Variants in EXOSC2 observed in about 807,000 individuals in gnomAD.
EXOSC2 encodes the protein exosome complex component RRP4.
Under a neutral mutation model 37.6 loss-of-function variants are expected in EXOSC2, and 29 were observed. The ratio of observed to expected loss-of-function variants is 0.77; its 90% CI spans 0.57 to 1.05. The LOEUF (loss-of-function observed/expected upper bound fraction) is 1.05, where lower values mean the gene tolerates loss of function less well. Among genes scored for constraint, EXOSC2 ranks in the 50% least tolerant of loss-of-function variants. EXOSC2 has a pLI of 0.00. For synonymous variants in EXOSC2, 119 were observed against 131.1 expected, an observed-to-expected ratio of 0.91 and a Z score of 0.63; for missense variants, 346 against 365.6, an observed-to-expected ratio of 0.95 and a Z score of 0.44.
In EXOSC2 at chr9:130,703,900, C is replaced by CAG; in HGVS notation, c.*126_*127insAG. The CAG allele has an allele frequency of 1.4e-6, 1 of 738,814 alleles. No homozygotes were observed. Among genetic ancestry groups the CAG allele is most frequent in the Non-Finnish European group, 2.2e-6 (1 of 454,936 alleles). The allele number at this position is 738,814 out of a possible 1,614,324, so 45.8% of individuals were successfully genotyped here. A position where few individuals can be genotyped will look rare whatever the true frequency, so the allele number is the denominator to read the frequency against. ...TTTGTCTGCATTGACGGCCCTGTGACGGCCTCCAGCCCACAGGCCTGCTTT... is the reference window on the plus strand; with the variant it reads ...TTTGTCTGCATTGACGGCCCTGTGACAGGGCCTCCAGCCCACAGGCCTGCTTT... On this transcript the variant is annotated 3_prime_UTR_variant, in exon 9 of 9. Coordinates refer to ENST00000372358, the MANE Select transcript of EXOSC2 (RefSeq NM_014285.7).
chr9:130,703,285 C>G lies in EXOSC2; in HGVS notation c.801+104C>G, dbSNP rs1001414509. The G allele has an allele frequency of 2.8e-5, 38 of 1,363,646 alleles. No individual in the cohort carries two copies. In the Admixed American group the frequency reaches 8.3e-4, roughly 30 times the overall value. 84.5% of individuals were successfully genotyped at this position (1,363,646 alleles called of 1,614,324 possible). A position where few individuals can be genotyped will look rare whatever the true frequency, so the allele number is the denominator to read the frequency against. Reference sequence around the variant, plus strand: ...TCCCCAATACTTTCCCAACATCCGTCAGTATGAACTGGCCTGAAACAGCCT... The same window carrying G: ...TCCCCAATACTTTCCCAACATCCGTGAGTATGAACTGGCCTGAAACAGCCT... On this transcript the variant is annotated intron_variant, in intron 8 of 8. Coordinates refer to ENST00000372358, the MANE Select transcript of EXOSC2 (RefSeq NM_014285.7).
intron 2 of EXOSC2, 118 bp downstream of exon 2, chr9:130,695,711 G>C (rs1246096466): frequency 2.4e-6 from 2 of 845,330 alleles, no homozygotes; most frequent in African/African-American, 3.3e-5. Flanking sequence ...CTGTAAGTCT[G>C]AGGTTTTGAC....
At chr9:130,703,010 G>C in intron 7 of EXOSC2, 43 bp from the exon 8 acceptor site, 1 of 1,587,704 alleles carries the variant, frequency 6.3e-7, no homozygotes, top group Non-Finnish European at 8.6e-7. Flanking sequence ...ACGTATTTTG[G>C]TCCTGTTTGT....
chr9:130,697,000 A>G (rs1206297557), intron 2 of EXOSC2, among the ~76,000 whole-genome samples: 1 of 152,218 alleles, frequency 6.6e-6, no homozygotes, highest in East Asian at 1.9e-4. Context: ...TTGGGTAGCT[A>G]GCAGTTGAGT....
rs1382748451 is a variant in EXOSC2, at chr9:130,704,878, C to G, written c.*1104C>G. 6.6e-6 allele frequency: 1 copy of G among 152,104 alleles called. No homozygotes were observed. The highest frequency in any genetic ancestry group is 2.4e-5 in the African/African-American group (1 of 41,414). 9.4% of individuals were successfully genotyped at this position (152,104 alleles called of 1,614,324 possible). On this transcript the variant is annotated 3_prime_UTR_variant, in exon 9 of 9. Transcript: ENST00000372358. ...GCTGAAGAATGTGAGAATTCCTGTG[C>G]ATTGTTTTTTCTGATGACTATCTAA...
At chr9:130,701,045 T>TA in intron 6 of EXOSC2, 110 bp downstream of exon 6, 2 of 970,538 alleles carry the variant, frequency 2.1e-6, no homozygotes, top group Non-Finnish European at 3.2e-6. Context: ...AGCTAAGCAT[T>TA]AATAGAGGCT....
chr9:130,703,032 C>T, intron 7 of EXOSC2, 21 bp from the exon 8 acceptor site: 5 of 1,599,958 alleles, frequency 3.1e-6, no homozygotes, highest in Non-Finnish European at 4.3e-6. Flanking sequence ...TTTCCCTTCC[C>T]CTCTCTGTGT....
In EXOSC2 at chr9:130,693,955, T is replaced by G. The variant is rs762465859; in HGVS notation, c.122+42T>G. ...GGGAGTCGAGGCTTCAGAGAGCGGC[T>G]TCAGGGCTCTCTGCACGTGGTCCAG... On this transcript the variant is annotated intron_variant, in intron 1 of 8. Coordinates refer to ENST00000372358, the MANE Select transcript of EXOSC2 (RefSeq NM_014285.7). 5.4e-5 allele frequency: 84 copies of G among 1,563,234 alleles called. No individual in the cohort carries two copies. The East Asian group carries it at 1.9e-3, about 35-fold the overall frequency.
At chr9:130,697,729 T>C (rs1055758557) in intron 3 of EXOSC2, 102 bp downstream of exon 3, 90 of 1,101,804 alleles carry the variant, frequency 8.2e-5, no homozygotes, top group Non-Finnish European at 1.2e-4. Flanking sequence ...AAGGCATTCA[T>C]TGCATTTGGC....
rs577892117 is a variant in EXOSC2 at position 130,699,965 on chromosome 9, C to T, written c.426+571C>T. Among the ~76,000 whole-genome samples the T allele has an allele frequency of 7.2e-5, 11 of 152,296 alleles. No individual in the cohort carries two copies. The South Asian group carries it at 2.3e-3, about 32-fold the overall frequency. On this transcript the variant is annotated intron_variant, in intron 5 of 8. Coordinates refer to ENST00000372358, the MANE Select transcript of EXOSC2 (RefSeq NM_014285.7). Reference sequence around the variant, plus strand: ...AAGGCTACAGTAAGCTATGATCACACCACTGCATTCCAGCTTGGGTGACAG... The same window carrying T: ...AAGGCTACAGTAAGCTATGATCACATCACTGCATTCCAGCTTGGGTGACAG...
chr9:130,700,814 A>G, intron 5 of EXOSC2, 53 bp from the exon 6 acceptor site: 3 of 1,564,878 alleles, frequency 1.9e-6, no homozygotes, highest in Non-Finnish European at 2.6e-6. Context: ...GCTGCAGAGG[A>G]CAGGACAGTG....
chr9:130,698,331 C>A lies in EXOSC2; in HGVS notation c.360+80C>A. ...TGGGACCCTTTGTTCCACCAGAGGA[C>A]TTTGATTTACACTGAGGTTGCCCCT... On this transcript the variant is annotated intron_variant, in intron 4 of 8. Transcript: ENST00000372358. This position sits in a 1 kb window ranked among gnomAD's most constrained non-coding sequence, Gnocchi z 4.1. 7.6e-7 allele frequency: 1 copy of A among 1,308,032 alleles called. No homozygotes were observed. The highest frequency in any genetic ancestry group is 1.1e-6 in the Non-Finnish European group (1 of 917,360). 81.0% of individuals were successfully genotyped at this position (1,308,032 alleles called of 1,614,324 possible). A position where few individuals can be genotyped will look rare whatever the true frequency, so the allele number is the denominator to read the frequency against.
At position 130,693,798 on chromosome 9, in the gene EXOSC2, A is replaced by C. The variant is rs769887590; in HGVS notation, c.7A>C (p.Met3Leu). 2 of 1,603,664 alleles carry C rather than the reference A, an allele frequency of 1.2e-6. No individual in the cohort carries two copies. The highest frequency in any genetic ancestry group is 1.7e-6 in the Non-Finnish European group (2 of 1,173,126). Reference protein sequence around the residue: MAMEMRLPVARKP... With the variant: MALEMRLPVARKP... ...GCAACTCATTGGCGCCAAGATGGCG[A>C]TGGAGATGAGGCTTCCAGTGGCTCG... The change falls in exon 1 of 9, where the codon ATG (methionine) becomes CTG (leucine). Residue 3 changes from methionine (M) to leucine (L), a missense_variant. Physicochemically the swap from Met to Leu is conservative, Grantham distance 15 (BLOSUM62 2). Coordinates refer to ENST00000372358, the MANE Select transcript of EXOSC2 (RefSeq NM_014285.7).
chr9:130,700,307 C>T (rs1052454304), intron 5 of EXOSC2, among the ~76,000 whole-genome samples: 7 of 151,172 alleles, frequency 4.6e-5, no homozygotes, highest in Non-Finnish European at 8.8e-5. Flanking sequence ...GCATGAGCCA[C>T]CATGCCTGGC....
intron 2 of EXOSC2, among the ~76,000 whole-genome samples, chr9:130,697,312 G>A (rs1041273299): frequency 8.5e-5 from 13 of 152,190 alleles, no homozygotes; most frequent in African/African-American, 2.9e-4. Flanking sequence ...TTTCATTGTC[G>A]TGTAATCGAA....
In EXOSC2 at chr9:130,699,600, C is replaced by A. The variant is rs186078365; in HGVS notation, c.426+206C>A. 1.3e-4 allele frequency: 79 copies of A among 598,378 alleles called. 1 individual carries two copies. Among genetic ancestry groups the A allele is most frequent in the Admixed American group, 1.2e-3 (40 of 34,004 alleles). 37.1% of individuals were successfully genotyped at this position (598,378 alleles called of 1,614,324 possible). On this transcript the variant is annotated intron_variant, in intron 5 of 8. Coordinates refer to ENST00000372358, the MANE Select transcript of EXOSC2 (RefSeq NM_014285.7). ...CTCTTGTTGGGACCTGCTGCTAAGT[C>A]ATTTCTTTGGGTCTTGTAACTTACG...
chr9:130,702,227 C>T lies in EXOSC2; in HGVS notation c.589C>T (p.Leu197Phe). ...TTTGCCATGTGGTGCCTCAGTGATT[C>T]TCGGTAACAACGGCTTCATCTGGAT... ...HDLPCGASVI[L>F]GNNGFIWIYP... is the part of the protein sequence containing the mutation. The change falls in exon 7 of 9, where the codon CTC becomes TTC. Residue 197 changes from leucine to phenylalanine, a missense_variant. Physicochemically the swap from Leu to Phe is conservative, Grantham distance 22. Coordinates refer to ENST00000372358, the MANE Select transcript of EXOSC2 (RefSeq NM_014285.7). 1 of 1,614,170 alleles carries T rather than the reference C, an allele frequency of 6.2e-7. No individual in the cohort carries two copies. The highest frequency in any genetic ancestry group is 8.5e-7 in the Non-Finnish European group (1 of 1,180,038).
At position 130,700,329 on chromosome 9, in the gene EXOSC2, T is replaced by TTTAA. The variant is rs765452346; in HGVS notation, c.427-536_427-535insAATT. 1.1e-3 allele frequency among the ~76,000 whole-genome samples: 159 copies of TTTAA among 140,664 alleles called. 2 individuals carry two copies. Among genetic ancestry groups the TTTAA allele is most frequent in the Admixed American group, 4.2e-3 (58 of 13,878 alleles). The allele number at this position is 140,664 out of a possible 152,430, so 92.3% of individuals were successfully genotyped here. Reference sequence around the variant, plus strand: ...CCACCATGCCTGGCCTCTGTCTTTATTTTATTTATTTATTTATTTATTTAT... The same window carrying TTTAA: ...CCACCATGCCTGGCCTCTGTCTTTATTTAATTTATTTATTTATTTATTTATTTAT... On this transcript the variant is annotated intron_variant, in intron 5 of 8. Transcript: ENST00000372358.
rs752883972 is a variant in EXOSC2, at chr9:130,697,640, T to G, written c.270+13T>G. ...ACGAATCACAGAGGTAACGTCGATA[T>G]CAGATTGGTGTTTACAAAGTCGAGG... On this transcript the variant is annotated intron_variant, in intron 3 of 8. Transcript: ENST00000372358. 6.2e-7 allele frequency: 1 copy of G among 1,613,682 alleles called. No homozygotes were observed. Among genetic ancestry groups the G allele is most frequent in the Non-Finnish European group, 8.5e-7 (1 of 1,179,560 alleles).
Sources: allele counts gnomAD v4.1 joint callset (sites outside exome capture counted in the v4.1 genomes callset), GRCh38; gene constraint gnomAD v4.1.1; non-coding constraint Gnocchi (gnomAD v3.1); transcripts MANE v1.5; gene names NCBI Gene and HGNC (gene_info 2026-07-23, HGNC 2026-07-21).